The following SRGAP2 variants were observed in gnomAD, a reference collection of about 807,000 sequenced individuals.
The protein encoded by SRGAP2 is SLIT-ROBO Rho GTPase-activating protein 2.
Under a neutral mutation model 57.2 loss-of-function variants are expected in SRGAP2, and 15 were observed. The ratio of observed to expected loss-of-function variants is 0.26; its 90% CI spans 0.18 to 0.40. The LOEUF (loss-of-function observed/expected upper bound fraction) is 0.40. Ranked by LOEUF, SRGAP2 falls within the 10% of genes least tolerant of loss-of-function variation. The pLI is 1.00. For synonymous variants in SRGAP2, 249 were observed against 248.0 expected (o/e 1.00, Z -0.04); for missense variants, 520 against 669.6 (o/e 0.78, Z 2.47).
At chr1:206,359,748 G>A (rs2102986782) in intron 4 of SRGAP2, among the ~76,000 whole-genome samples, 1 of 139,058 alleles carries the variant, frequency 7.2e-6, no homozygotes, top group African/African-American at 2.7e-5. Flanking sequence ...TATATCAGAT[G>A]ATGATAAAAT....
At chr1:206,263,474 A>G (rs1669692663) in intron 2 of SRGAP2, among the ~76,000 whole-genome samples, 2 of 152,014 alleles carry the variant, frequency 1.3e-5, no homozygotes, top group Admixed American at 1.3e-4. Context: ...GTTTGTGAGC[A>G]GGTGGAACCT....
rs1316094475 is a variant in SRGAP2 at position 206,335,490 on chromosome 1, G to A, written c.261-7356G>A. 2.7e-5 allele frequency among the ~76,000 whole-genome samples: 4 copies of A among 150,676 alleles called. No individual in the cohort carries two copies. In the East Asian group the frequency reaches 7.9e-4, roughly 30 times the overall value. Reference sequence around the variant, plus strand: ...AGACCAGGATAAGATGTGGGTTGTGGCTGATGCACAGTTTAGGAGCAGGAA... The same window carrying A: ...AGACCAGGATAAGATGTGGGTTGTGACTGATGCACAGTTTAGGAGCAGGAA... On this transcript the variant is annotated intron_variant, in intron 3 of 22. Coordinates refer to ENST00000573034, the MANE Select transcript of SRGAP2 (RefSeq NM_015326.5).
chr1:206,269,046 TA>T (rs1670050580), intron 2 of SRGAP2, among the ~76,000 whole-genome samples: 1 of 146,684 alleles, frequency 6.8e-6, no homozygotes, highest in Non-Finnish European at 1.5e-5. Flanking sequence ...TTAGCAGTGT[TA>T]ATTATAAGAC....
intron 3 of SRGAP2, among the ~76,000 whole-genome samples, chr1:206,316,721 A>G (rs2102814790): frequency 1.3e-5 from 2 of 148,336 alleles, no homozygotes; most frequent in Non-Finnish European, 3.0e-5. Context: ...GTTTCTATAA[A>G]GATATACTGT....
chr1:206,203,797 C>T lies in SRGAP2; in HGVS notation c.-543+147C>T, dbSNP rs1403343380. 2.6e-6 allele frequency: 4 copies of T among 1,532,108 alleles called. No individual in the cohort carries two copies. The East Asian group carries it at 9.9e-5, about 38-fold the overall frequency. The allele number at this position is 1,532,108 out of a possible 1,614,324, so 94.9% of individuals were successfully genotyped here. On this transcript the variant is annotated intron_variant, in intron 1 of 22. Transcript: ENST00000573034. ...CGGTGCCGCCCGGAATCCCTCAGAC[C>T]GCCCCCCCTCCACCCTCTCCAAATC...
chr1:206,449,808 A>G (rs1477808564), intron 18 of SRGAP2, among the ~76,000 whole-genome samples: 5 of 152,212 alleles, frequency 3.3e-5, no homozygotes, highest in Admixed American at 3.3e-4. Context: ...GAAGGAAAGC[A>G]AGTACTATTT....
chr1:206,269,166 C>T (rs1670056840), intron 2 of SRGAP2, among the ~76,000 whole-genome samples: 1 of 148,110 alleles, frequency 6.8e-6, no homozygotes, highest in South Asian at 2.1e-4. Flanking sequence ...ATGAATTTTA[C>T]AAAACAACTT....
chr1:206,409,866 A>G, intron 10 of SRGAP2, among the ~76,000 whole-genome samples: 1 of 151,402 alleles, frequency 6.6e-6, no homozygotes, highest in Non-Finnish European at 1.5e-5. Context: ...TGGGAGGCCG[A>G]GGCAGGCGGA....
Position 206,393,532 on chromosome 1 carries a change from G to A in SRGAP2, c.703-13G>A, listed in dbSNP as rs1553351842. The stretch of plus-strand genomic sequence containing the variant: ...AAAAAAAAGGTAAAAGTGAACTTCT[G>A]TTTCCTTTTCAGCGTCAAGCCAAGT... On this transcript the variant is annotated splice_polypyrimidine_tract_variant and intron_variant, in intron 6 of 22. Transcript: ENST00000573034. 1.3e-6 allele frequency: 1 copy of A among 777,834 alleles called. No individual in the cohort carries two copies. Among genetic ancestry groups the A allele is most frequent in the Admixed American group, 1.7e-5 (1 of 58,750 alleles). The allele number at this position is 777,834 out of a possible 1,614,324, so 48.2% of individuals were successfully genotyped here.
chr1:206,332,973 A>G (rs1434824409), intron 3 of SRGAP2, among the ~76,000 whole-genome samples: 1 of 151,492 alleles, frequency 6.6e-6, no homozygotes, highest in Non-Finnish European at 1.5e-5. Context: ...ATGGTGATGT[A>G]CAGATGGGTT....
intron 15 of SRGAP2, among the ~76,000 whole-genome samples, chr1:206,437,294 A>G (rs1661852772): frequency 6.6e-6 from 1 of 152,200 alleles, no homozygotes; most frequent in South Asian, 2.1e-4. Flanking sequence ...CCAAAACCCA[A>G]GAAGTTAACT....
intron 2 of SRGAP2, among the ~76,000 whole-genome samples, chr1:206,253,149 T>C (rs1668943325): frequency 6.6e-6 from 1 of 150,774 alleles, no homozygotes; most frequent in Non-Finnish European, 1.5e-5. Context: ...GTCTGGATAC[T>C]CACAGCTGGT....
At chr1:206,396,068 C>T (rs200720399) in intron 7 of SRGAP2, among the ~76,000 whole-genome samples, 4 of 147,220 alleles carry the variant, frequency 2.7e-5, no homozygotes, top group South Asian at 2.2e-4. Flanking sequence ...CTGCAAGCTC[C>T]GCCTCCCAGG....
Position 206,455,119 on chromosome 1 carries a change from C to T in SRGAP2, c.2507+95C>T, listed in dbSNP as rs540891424. On this transcript the variant is annotated intron_variant, in intron 21 of 22. Transcript: ENST00000573034. Reference sequence around the variant, plus strand: ...CCCCCATCTCCATTCCTGTGCTGCACGTAGGGCTCCCAGCTCCCCCAGCCT... The same window carrying T: ...CCCCCATCTCCATTCCTGTGCTGCATGTAGGGCTCCCAGCTCCCCCAGCCT... 123 of 770,414 alleles carry T rather than the reference C, an allele frequency of 1.6e-4. 1 individual carries two copies. The Middle Eastern group carries it at 2.5e-3, about 16-fold the overall frequency. 47.7% of individuals were successfully genotyped at this position (770,414 alleles called of 1,614,324 possible). A position where few individuals can be genotyped will look rare whatever the true frequency, so the allele number is the denominator to read the frequency against.
At chr1:206,423,038 C>T (rs1327159967) in intron 13 of SRGAP2, among the ~76,000 whole-genome samples, 1 of 152,180 alleles carries the variant, frequency 6.6e-6, no homozygotes, top group Non-Finnish European at 1.5e-5. Context: ...TATGGCAAAT[C>T]AGGCAAACAA....
intron 3 of SRGAP2, among the ~76,000 whole-genome samples, chr1:206,313,522 C>T (rs1672825995): frequency 6.8e-6 from 1 of 147,900 alleles, no homozygotes; most frequent in African/African-American, 2.5e-5. Context: ...AAGAACAAAG[C>T]ACTTTTGAGG....
intron 3 of SRGAP2, among the ~76,000 whole-genome samples, chr1:206,322,340 G>A (rs868956343): frequency 2.1e-5 from 3 of 145,834 alleles, no homozygotes; most frequent in African/African-American, 5.0e-5. Flanking sequence ...TTGGGAGGCC[G>A]AGGCGGGCCG....
chr1:206,281,205 A>G (rs1670717912), intron 2 of SRGAP2, among the ~76,000 whole-genome samples: 1 of 144,032 alleles, frequency 6.9e-6, no homozygotes, highest in African/African-American at 2.9e-5. Flanking sequence ...AAAATGCTCC[A>G]GTTTATGAAT....
intron 2 of SRGAP2, among the ~76,000 whole-genome samples, chr1:206,228,526 C>G (rs1406311201): frequency 1.6e-4 from 24 of 152,194 alleles, no homozygotes; most frequent in Non-Finnish European, 2.6e-4. Flanking sequence ...TGCTGTTTAA[C>G]AGTGTTGGGT....
Sources: allele counts gnomAD v4.1 joint callset (sites outside exome capture counted in the v4.1 genomes callset), GRCh38; gene constraint gnomAD v4.1.1; transcripts MANE v1.5; gene names NCBI Gene and HGNC (gene_info 2026-07-23, HGNC 2026-07-21).